The following COPG2 variants were observed in gnomAD, a reference collection of about 807,000 sequenced individuals.
COPG2 encodes coatomer subunit gamma-2.
COPG2 carries 37 observed loss-of-function variants against 46.3 expected under a neutral mutation model. The observed-to-expected ratio is 0.80, with a 90% confidence interval of 0.61 to 1.05. The LOEUF (loss-of-function observed/expected upper bound fraction) is 1.05. Ranked by LOEUF, COPG2 falls within the 50% of genes least tolerant of loss-of-function variation. The probability of loss-of-function intolerance (pLI) is 0.00; values close to 1 mark genes in which losing one functional copy is unlikely to be tolerated. For synonymous variants in COPG2, 159 were observed against 129.7 expected, an observed-to-expected ratio of 1.23 and a Z score of -1.53; for missense variants, 427 against 387.8, an observed-to-expected ratio of 1.10 and a Z score of -0.85.
intron 20 of COPG2, chr7:130,511,756 T>C (rs1799599182): frequency 1.9e-6 from 1 of 517,918 alleles, no homozygotes; most frequent in Non-Finnish European, 3.9e-6. Flanking sequence ...TGGGGTATCC[T>C]GTCTAGGTCT....
At chr7:130,632,827 G>A (rs1229539503) in intron 5 of COPG2, among the ~76,000 whole-genome samples, 1 of 151,958 alleles carries the variant, frequency 6.6e-6, no homozygotes, top group East Asian at 1.9e-4. Flanking sequence ...CATGTGCCAC[G>A]GTGGTTTGCT....
chr7:130,666,160 G>T (rs1253383295), intron 3 of COPG2, among the ~76,000 whole-genome samples: 1 of 152,134 alleles, frequency 6.6e-6, no homozygotes, highest in Non-Finnish European at 1.5e-5. Context: ...TTAAGCTACT[G>T]CCCAGAATTA....
intron 9 of COPG2, among the ~76,000 whole-genome samples, chr7:130,601,047 G>A (rs1554450286): frequency 6.6e-6 from 1 of 152,182 alleles, no homozygotes; most frequent in African/African-American, 2.4e-5. Flanking sequence ...CATGCTGTGA[G>A]AACATTCAGG....
intron 12 of COPG2, among the ~76,000 whole-genome samples, chr7:130,557,840 C>CAAAAAAAAAAAAA (rs1793655722): frequency 1.3e-4 from 3 of 22,434 alleles, no homozygotes; most frequent in African/African-American, 5.1e-4. Flanking sequence ...AAAAAAAAAT[C>CAAAAAAAAAAAAA]ATGCAAGAAT....
At chr7:130,507,977 C>T (rs1344320440) in intron 21 of COPG2, 154 bp from the exon 22 acceptor site, 1 of 598,554 alleles carries the variant, frequency 1.7e-6, no homozygotes, top group African/African-American at 1.9e-5. Flanking sequence ...TGTTGTAGCC[C>T]TTAGCAAAGG....
chr7:130,548,638 C>T (rs1239323854), intron 18 of COPG2, 96 bp from the exon 19 acceptor site: 11 of 393,196 alleles, frequency 2.8e-5, no homozygotes, highest in Non-Finnish European at 3.6e-5. Context: ...AGCAGTGGCT[C>T]ACGCCTGTAA....
chr7:130,620,926 C>T (rs1554453541), intron 5 of COPG2, among the ~76,000 whole-genome samples: 2 of 152,212 alleles, frequency 1.3e-5, no homozygotes. Flanking sequence ...AGTCCTACTC[C>T]CTAGATCCTT....
intron 20 of COPG2, among the ~76,000 whole-genome samples, chr7:130,526,828 T>G (rs1258509605): frequency 5.8e-5 from 3 of 51,712 alleles, no homozygotes; most frequent in African/African-American, 7.5e-5. Flanking sequence ...AAAGGGTGGG[T>G]GGTGGGGATG....
intron 5 of COPG2, among the ~76,000 whole-genome samples, chr7:130,638,520 T>C (rs1554456718): frequency 6.6e-6 from 1 of 152,140 alleles, no homozygotes; most frequent in African/African-American, 2.4e-5. Context: ...CCTTTGTTTA[T>C]ACTGTGAGCG....
chr7:130,593,040 G>A (rs1554449241), intron 9 of COPG2, among the ~76,000 whole-genome samples: 1 of 152,226 alleles, frequency 6.6e-6, no homozygotes, highest in Non-Finnish European at 1.5e-5. Flanking sequence ...TATTACTCCA[G>A]GCTTTATAAG....
intron 20 of COPG2, among the ~76,000 whole-genome samples, chr7:130,526,604 A>G (rs1181573212): frequency 6.6e-6 from 1 of 151,774 alleles, no homozygotes; most frequent in Non-Finnish European, 1.5e-5. Flanking sequence ...CAGGCAGGAC[A>G]GCCATAGGTG....
At chr7:130,624,160 T>C (rs887334817) in intron 5 of COPG2, among the ~76,000 whole-genome samples, 3 of 151,800 alleles carry the variant, frequency 2.0e-5, no homozygotes, top group Non-Finnish European at 4.4e-5. Context: ...TCCCAAGGGC[T>C]CCATCCTCAT....
intron 9 of COPG2, among the ~76,000 whole-genome samples, chr7:130,583,559 C>G (rs1794201156): frequency 7.0e-6 from 1 of 142,376 alleles, no homozygotes; most frequent in Non-Finnish European, 1.5e-5. Flanking sequence ...GTAATCCCAG[C>G]ACTTTGGGAG....
At chr7:130,584,505 G>A (rs1554447737) in intron 9 of COPG2, among the ~76,000 whole-genome samples, 1 of 152,036 alleles carries the variant, frequency 6.6e-6, no homozygotes, top group Non-Finnish European at 1.5e-5. Flanking sequence ...AATCGATAAA[G>A]AGGAAGTCAA....
At chr7:130,508,515 A>G (rs782047864) in intron 21 of COPG2, 47 bp downstream of exon 21, 1 of 731,200 alleles carries the variant, frequency 1.4e-6, no homozygotes, top group South Asian at 1.5e-5. Context: ...GAAGTCACTT[A>G]GTGTTGTGAA....
chr7:130,613,682 A>G lies in COPG2; in HGVS notation c.400-46T>C, dbSNP rs782247590. On this transcript the variant is annotated intron_variant, in intron 6 of 23. Coordinates refer to ENST00000425248, the MANE Select transcript of COPG2 (RefSeq NM_012133.6). ...AAAATTGTTAAGGAAAAACATGCTT[A>G]TGCAAAATTACTCTTATGCTTCAAA... 2.6e-5 allele frequency: 31 copies of G among 1,204,872 alleles called. No individual in the cohort carries two copies. The South Asian group carries it at 3.7e-4, about 14-fold the overall frequency. 74.6% of individuals were successfully genotyped at this position (1,204,872 alleles called of 1,614,324 possible). A position where few individuals can be genotyped will look rare whatever the true frequency, so the allele number is the denominator to read the frequency against.
At chr7:130,607,856 T>C (rs1794765080) in intron 9 of COPG2, 1 of 517,228 alleles carries the variant, frequency 1.9e-6, no homozygotes, top group Non-Finnish European at 3.9e-6. Context: ...ACCCCACAAA[T>C]TTCACCCAGT....
At chr7:130,650,014 T>C (rs570150719) in intron 5 of COPG2, among the ~76,000 whole-genome samples, 4 of 152,314 alleles carry the variant, frequency 2.6e-5, no homozygotes, top group Middle Eastern at 3.4e-3. Flanking sequence ...CTACAGTCCT[T>C]TCCGGAGGCT....
At chr7:130,592,697 G>A (rs1051320719) in intron 9 of COPG2, among the ~76,000 whole-genome samples, 9 of 152,202 alleles carry the variant, frequency 5.9e-5, no homozygotes, top group Non-Finnish European at 1.2e-4. Flanking sequence ...TTCCCTAACC[G>A]TGAATGCTGA....
Sources: allele counts gnomAD v4.1 joint callset (sites outside exome capture counted in the v4.1 genomes callset), GRCh38; gene constraint gnomAD v4.1.1; transcripts MANE v1.5; gene names NCBI Gene and HGNC (gene_info 2026-07-23, HGNC 2026-07-21).